Variants in RHOH observed in about 807,000 individuals in gnomAD.
RHOH encodes the protein rho-related GTP-binding protein RhoH.
Under a neutral mutation model 13.8 loss-of-function variants are expected in RHOH, and 6 were observed. The ratio of observed to expected loss-of-function variants is 0.44; its 90% confidence interval spans 0.24 to 0.86. RHOH has a LOEUF of 0.86. Among genes scored for constraint, RHOH ranks in the 40% least tolerant of loss-of-function variants. RHOH has a pLI of 0.24. For synonymous variants in RHOH, 117 were observed against 103.0 expected (o/e 1.14, Z -0.82); for missense variants, 147 against 244.5 (o/e 0.60, Z 2.66).
chr4:40,238,380 T>G (rs1158547504), intron 1 of RHOH, among the ~76,000 whole-genome samples: 1 of 152,212 alleles, frequency 6.6e-6, no homozygotes, highest in African/African-American at 2.4e-5. Flanking sequence ...AGCATGGCCG[T>G]TAGAATTGAG....
chr4:40,224,639 C>T (rs1292498527), intron 1 of RHOH, among the ~76,000 whole-genome samples: 2 of 152,230 alleles, frequency 1.3e-5, no homozygotes, highest in East Asian at 1.9e-4. Context: ...ATGGTGTGTA[C>T]AGCTTTCACT....
chr4:40,218,259 T>A lies in RHOH; in HGVS notation c.-331+20959T>A, dbSNP rs1399767352. 6.6e-6 allele frequency: 1 copy of A among 152,296 alleles called. No homozygotes were observed. Among genetic ancestry groups the A allele is most frequent in the African/African-American group, 2.4e-5 (1 of 41,462 alleles). 9.4% of individuals were successfully genotyped at this position (152,296 alleles called of 1,614,324 possible). A position where few individuals can be genotyped will look rare whatever the true frequency, so the allele number is the denominator to read the frequency against. Reference sequence around the variant, plus strand: ...TGTTCTGCTACTGAGAGTCTGCAGATGAGCTGGTGGTTTCTCCAAGCTTCC... The same window carrying A: ...TGTTCTGCTACTGAGAGTCTGCAGAAGAGCTGGTGGTTTCTCCAAGCTTCC... On this transcript the variant is annotated intron_variant, in intron 1 of 2. Coordinates refer to ENST00000381799, the MANE Select transcript of RHOH (RefSeq NM_004310.5). The surrounding 1 kb of genome is among the most constrained non-coding windows in gnomAD (Gnocchi z 4.1).
chr4:40,213,570 A>G (rs1379769445), intron 1 of RHOH, among the ~76,000 whole-genome samples: 1 of 152,134 alleles, frequency 6.6e-6, no homozygotes, highest in Non-Finnish European at 1.5e-5. Flanking sequence ...ACAACTAATA[A>G]CAACAGATGT....
At chr4:40,205,716 A>G (rs1018073475) in intron 1 of RHOH, 2 of 152,326 alleles carry the variant, frequency 1.3e-5, no homozygotes, top group African/African-American at 4.8e-5. Context: ...AAGTGGTAAG[A>G]TGAGGCCACA....
chr4:40,205,829 C>A (rs2109378034), intron 1 of RHOH: 1 of 152,292 alleles, frequency 6.6e-6, no homozygotes. Context: ...TGACTAAATA[C>A]ATGGTGAGTC....
At chr4:40,223,767 G>GTTTTTTTT (rs56144023) in intron 1 of RHOH, among the ~76,000 whole-genome samples, 4 of 83,924 alleles carry the variant, frequency 4.8e-5, no homozygotes, top group Admixed American at 1.7e-4. Context: ...AACATAACTT[G>GTTTTTTTT]TTTTTTTTTT....
intron 1 of RHOH, among the ~76,000 whole-genome samples, chr4:40,221,920 G>A (rs977875603): frequency 1.3e-5 from 2 of 152,134 alleles, no homozygotes; most frequent in Non-Finnish European, 2.9e-5. Flanking sequence ...TTCAACTCCT[G>A]GGAACACATG....
At chr4:40,200,114 C>T (rs1723767654) in intron 1 of RHOH, among the ~76,000 whole-genome samples, 1 of 151,902 alleles carries the variant, frequency 6.6e-6, no homozygotes, top group Non-Finnish European at 1.5e-5. Flanking sequence ...AGTGTGGGGG[C>T]TGGGGTGGGC....
At chr4:40,213,959 G>A (rs2109415944) in intron 1 of RHOH, among the ~76,000 whole-genome samples, 1 of 152,248 alleles carries the variant, frequency 6.6e-6, no homozygotes, top group South Asian at 2.1e-4. Context: ...GTTTCACCAT[G>A]TTGGCCAGAC....
At chr4:40,197,775 A>T (rs539440739) in intron 1 of RHOH, among the ~76,000 whole-genome samples, 1 of 152,340 alleles carries the variant, frequency 6.6e-6, no homozygotes, top group African/African-American at 2.4e-5. Context: ...GCCAATGTTA[A>T]TGACCATTTC....
chr4:40,201,254 C>A (rs943548576), intron 1 of RHOH, among the ~76,000 whole-genome samples: 2 of 151,770 alleles, frequency 1.3e-5, no homozygotes, highest in African/African-American at 2.4e-5. Context: ...TCACTCTATC[C>A]CCCCCTTTTT....
Position 40,218,699 on chromosome 4 carries a change from AG to A in RHOH, c.-331+21400del, listed in dbSNP as rs923427932. Among the ~76,000 whole-genome samples the A allele has an allele frequency of 2.2e-4, 33 of 152,370 alleles. No individual in the cohort carries two copies. Among genetic ancestry groups the A allele is most frequent in the African/African-American group, 7.0e-4 (29 of 41,594 alleles). On this transcript the variant is annotated intron_variant, in intron 1 of 2. Transcript: ENST00000381799. The surrounding 1 kb of genome is among the most constrained non-coding windows in gnomAD (Gnocchi z 4.1). ...GCAGCATGTGATATTGATGGTTCAC[AG>A]AAACATGAACTACCAGCCTTGGAGG...
At chr4:40,195,325 A>C (rs569643750), upstream of RHOH, among the ~76,000 whole-genome samples, 1 of 151,344 alleles carries the variant, frequency 6.6e-6, no homozygotes, top group African/African-American at 2.4e-5. Flanking sequence ...CTTTCCACAG[A>C]GGATTTTCCC....
chr4:40,229,958 A>G (rs1176941887), intron 1 of RHOH, among the ~76,000 whole-genome samples: 1 of 152,148 alleles, frequency 6.6e-6, no homozygotes, highest in Admixed American at 6.5e-5. Flanking sequence ...TACAGTTATC[A>G]CCTAACAAAA....
intron 1 of RHOH, among the ~76,000 whole-genome samples, chr4:40,223,212 A>G (rs1726791237): frequency 6.6e-6 from 1 of 152,244 alleles, no homozygotes; most frequent in Admixed American, 6.5e-5. Flanking sequence ...CTTACTTGAT[A>G]AAGCAGTGGC....
rs114085656 is a variant in RHOH, at chr4:40,243,897, G to T, written c.511G>T (p.Val171Phe). The T allele has an allele frequency of 1.2e-6, 2 of 1,614,134 alleles. No individual in the cohort carries two copies. The highest frequency in any genetic ancestry group is 1.7e-6 in the Non-Finnish European group (2 of 1,180,004). ...QVFECAVRTA[V>F]NQARRRNRRR... ...GTTTGAGTGCGCCGTCCGAACTGCC[G>T]TCAACCAGGCCAGGAGACGAAACAG... The change falls in exon 3 of 3, where the codon GTC becomes TTC. Residue 171 changes from valine (V) to phenylalanine (F), a missense_variant. By Grantham distance (50) the Val-to-Phe change is conservative (BLOSUM62 -1). Coordinates refer to ENST00000381799, the MANE Select transcript of RHOH (RefSeq NM_004310.5). This position sits in a 1 kb window ranked among gnomAD's most constrained non-coding sequence, Gnocchi z 6.2.
chr4:40,191,322 T>A (rs946820897), upstream of RHOH: 4 of 152,244 alleles, frequency 2.6e-5, no homozygotes, highest in Non-Finnish European at 5.9e-5. Flanking sequence ...CATTCGGAGC[T>A]ACATCCAGTG....
intron 1 of RHOH, chr4:40,205,569 C>G (rs1002599438): frequency 2.0e-5 from 3 of 152,160 alleles, no homozygotes; most frequent in African/African-American, 7.2e-5. Context: ...GGTATCTGAC[C>G]TGCAATTTGG....
rs1183371147 is a variant in RHOH at position 40,201,390 on chromosome 4, T to C, written c.-331+4090T>C. Among the ~76,000 whole-genome samples, 2 of 152,110 alleles carry C rather than the reference T, an allele frequency of 1.3e-5. 1 individual carries two copies. On this transcript the variant is annotated intron_variant, in intron 1 of 2. Coordinates refer to ENST00000381799, the MANE Select transcript of RHOH (RefSeq NM_004310.5). Reference sequence around the variant, plus strand: ...TGAAAAAAAAAAAAAGATGTGCTGTTGCAAAATATCAAGGGAGATGTTTAC... The same window carrying C: ...TGAAAAAAAAAAAAAGATGTGCTGTCGCAAAATATCAAGGGAGATGTTTAC...
Sources: allele counts gnomAD v4.1 joint callset (sites outside exome capture counted in the v4.1 genomes callset), GRCh38; gene constraint gnomAD v4.1.1; non-coding constraint Gnocchi (gnomAD v3.1); transcripts MANE v1.5; gene names NCBI Gene and HGNC (gene_info 2026-07-23, HGNC 2026-07-21).